Variants in HDAC11 observed in about 807,000 individuals in gnomAD.
HDAC11 encodes histone deacetylase 11.
In HDAC11, 23 loss-of-function variants were observed where a neutral mutation model predicts 41.1. The ratio of observed to expected loss-of-function variants is 0.56; its 90% confidence interval spans 0.40 to 0.79. The LOEUF (loss-of-function observed/expected upper bound fraction) is 0.79. Among genes scored for constraint, HDAC11 ranks in the 30% least tolerant of loss-of-function variants. HDAC11 has a pLI of 0.00. For missense variants in HDAC11, 402 were observed against 477.3 expected (o/e 0.84, Z 1.47); for synonymous variants, 187 against 186.6 (o/e 1.00, Z -0.02).
rs752525473 is a variant in HDAC11 at position 13,503,011 on chromosome 3, T to G, written c.649+31T>G. On this transcript the variant is annotated intron_variant, in intron 8 of 9. Transcript: ENST00000295757. ...CTGCTGCCCCTACCCTCATCTTGGG[T>G]GTGTCCTTGTGGATGAGGCTCTCTC... The G allele has an allele frequency of 5.2e-6, 8 of 1,538,240 alleles. No homozygotes were observed. The Admixed American group carries it at 1.2e-4, about 23-fold the overall frequency.
At position 13,501,494 on chromosome 3, in the gene HDAC11, A is replaced by G. The variant is rs572526893; in HGVS notation, c.490-377A>G. The stretch of plus-strand genomic sequence containing the variant: ...GGGGGCATTTAGGACTTGGCCTTGT[A>G]GGATAAGGCAGAGGTTGGGGACTGA... On this transcript the variant is annotated intron_variant, in intron 6 of 9. Coordinates refer to ENST00000295757, the MANE Select transcript of HDAC11 (RefSeq NM_024827.4). 1.8e-5 allele frequency: 7 copies of G among 388,578 alleles called. No individual in the cohort carries two copies. In the East Asian group the frequency reaches 2.6e-4, roughly 15 times the overall value. The allele number at this position is 388,578 out of a possible 1,614,324, so 24.1% of individuals were successfully genotyped here.
chr3:13,495,870 C>A (rs750190823), intron 3 of HDAC11, among the ~76,000 whole-genome samples: 3 of 152,226 alleles, frequency 2.0e-5, no homozygotes, highest in Non-Finnish European at 4.4e-5. Flanking sequence ...AACCCCCACC[C>A]AGTTCTCCTC....
intron 3 of HDAC11, among the ~76,000 whole-genome samples, chr3:13,495,295 C>T (rs886517597): frequency 6.6e-6 from 1 of 152,106 alleles, no homozygotes; most frequent in African/African-American, 2.4e-5. Flanking sequence ...CTTCACCTCC[C>T]ACTCTCCCAC....
At position 13,480,888 on chromosome 3, in the gene HDAC11, G is replaced by A; in HGVS notation, c.3-358G>A. The A allele has an allele frequency of 2.5e-6, 1 of 399,572 alleles. No homozygotes were observed. The highest frequency in any genetic ancestry group is 3.5e-4 in the Middle Eastern group (1 of 2,836). 24.8% of individuals were successfully genotyped at this position (399,572 alleles called of 1,614,324 possible). On this transcript the variant is annotated intron_variant, in intron 1 of 9. Transcript: ENST00000295757. This position sits in a 1 kb window ranked among gnomAD's most constrained non-coding sequence, Gnocchi z 4.6. ...AGCCGAAGCCTTGTGCCACACAGCT[G>A]TGGGGGCATTTATTACGGTGCAGAG...
At chr3:13,496,887 G>A in intron 4 of HDAC11, 35 bp downstream of exon 4, 2 of 1,280,808 alleles carry the variant, frequency 1.6e-6, no homozygotes, top group South Asian at 1.4e-5. Context: ...TGGGCTGGGG[G>A]CCCCCACACC....
At chr3:13,494,791 G>C (rs1026320905) in intron 3 of HDAC11, among the ~76,000 whole-genome samples, 1 of 152,176 alleles carries the variant, frequency 6.6e-6, no homozygotes, top group Non-Finnish European at 1.5e-5. Context: ...CAGGCTGGGT[G>C]CCTGGCACCC....
At chr3:13,485,529 C>T (rs969105278) in intron 3 of HDAC11, among the ~76,000 whole-genome samples, 1 of 152,186 alleles carries the variant, frequency 6.6e-6, no homozygotes, top group Non-Finnish European at 1.5e-5. Flanking sequence ...TTCCAGGGCC[C>T]CACCCATTTG....
rs529537165 is a variant in HDAC11 at position 13,502,106 on chromosome 3, G to A, written c.552+173G>A. 1.7e-5 allele frequency: 10 copies of A among 599,858 alleles called. 1 individual carries two copies. The South Asian group carries it at 2.1e-4, about 13-fold the overall frequency. The allele number at this position is 599,858 out of a possible 1,614,324, so 37.2% of individuals were successfully genotyped here. Reference sequence around the variant, plus strand: ...TCTTTGTCACTCTGTCCAGGACAGCGGGTCCTCCTCATTGCTCCCGAGGGT... The same window carrying A: ...TCTTTGTCACTCTGTCCAGGACAGCAGGTCCTCCTCATTGCTCCCGAGGGT... On this transcript the variant is annotated intron_variant, in intron 7 of 9. Coordinates refer to ENST00000295757, the MANE Select transcript of HDAC11 (RefSeq NM_024827.4). This position sits in a 1 kb window ranked among gnomAD's most constrained non-coding sequence, Gnocchi z 4.1.
intron 2 of HDAC11, 50 bp from the exon 3 acceptor site, chr3:13,483,414 C>T (rs1409611403): frequency 6.6e-7 from 1 of 1,519,104 alleles, no homozygotes; most frequent in Non-Finnish European, 9.1e-7. Context: ...TGGGGCTGGC[C>T]CTGGCCTTGA....
chr3:13,496,337 T>A (rs1281915330), intron 3 of HDAC11, among the ~76,000 whole-genome samples: 3 of 152,234 alleles, frequency 2.0e-5, no homozygotes, highest in African/African-American at 4.8e-5. Flanking sequence ...AGATCCTCGC[T>A]GCCTAGGCCT....
intron 4 of HDAC11, among the ~76,000 whole-genome samples, chr3:13,498,240 GGAT>G (rs1326010725): frequency 6.6e-6 from 1 of 152,170 alleles, no homozygotes; most frequent in East Asian, 1.9e-4. Context: ...CATATGTGAT[GGAT>G]GATAAGTACT....
chr3:13,506,249 G>C lies in HDAC11; in HGVS notation c.*1566G>C, dbSNP rs1173991605. On this transcript the variant is annotated 3_prime_UTR_variant, in exon 10 of 10. Coordinates refer to ENST00000295757, the MANE Select transcript of HDAC11 (RefSeq NM_024827.4). ...CACAGACATGGTTTGTCACTGTTGA[G>C]CTTCTGTTCCTAGAGAATCCTAGAG... is the stretch of plus-strand genomic sequence containing the variant. 1 of 152,262 alleles carries C rather than the reference G, an allele frequency of 6.6e-6. No homozygotes were observed. Among genetic ancestry groups the C allele is most frequent in the Non-Finnish European group, 1.5e-5 (1 of 68,068 alleles). The allele number at this position is 152,262 out of a possible 1,614,324, so 9.4% of individuals were successfully genotyped here.
chr3:13,482,197 A>G (rs1461497944), intron 2 of HDAC11, among the ~76,000 whole-genome samples: 2 of 152,238 alleles, frequency 1.3e-5, no homozygotes, highest in Non-Finnish European at 2.9e-5. Context: ...CGAAGAGCAT[A>G]TCGTTTTAAC....
chr3:13,485,831 C>G (rs962308291), intron 3 of HDAC11, among the ~76,000 whole-genome samples: 3 of 151,880 alleles, frequency 2.0e-5, no homozygotes, highest in South Asian at 4.2e-4. Context: ...AAGTAGAAAA[C>G]TGAGGTTGAG....
Position 13,480,542 on chromosome 3 carries a change from C to T in HDAC11, c.2+193C>T, listed in dbSNP as rs1701257554. ...GCCAGGCCAGCCCCGCGCCCCTGCTCGGTGGCCCGAGGGACGCGCGCCGGC... is the reference window on the plus strand; with the variant it reads ...GCCAGGCCAGCCCCGCGCCCCTGCTTGGTGGCCCGAGGGACGCGCGCCGGC... On this transcript the variant is annotated intron_variant, in intron 1 of 9. Transcript: ENST00000295757. This position sits in a 1 kb window ranked among gnomAD's most constrained non-coding sequence, Gnocchi z 4.6. 6.2e-6 allele frequency: 2 copies of T among 320,376 alleles called. No individual in the cohort carries two copies. The highest frequency in any genetic ancestry group is 1.2e-5 in the Non-Finnish European group (2 of 172,412). 19.8% of individuals were successfully genotyped at this position (320,376 alleles called of 1,614,324 possible). A position where few individuals can be genotyped will look rare whatever the true frequency, so the allele number is the denominator to read the frequency against.
rs144201161 is a variant in HDAC11 at position 13,490,271 on chromosome 3, C to T, written c.253-6465C>T. On this transcript the variant is annotated intron_variant, in intron 3 of 9. Transcript: ENST00000295757. ...CCTCCCAAAGTGCTGGGATTACAGGCATGAGCCACCGTGCCCAGCCAACTT... is the reference window on the plus strand; with the variant it reads ...CCTCCCAAAGTGCTGGGATTACAGGTATGAGCCACCGTGCCCAGCCAACTT... Among the ~76,000 whole-genome samples, 276 of 152,294 alleles carry T rather than the reference C, an allele frequency of 1.8e-3. 1 individual carries two copies. The highest frequency in any genetic ancestry group is 2.3e-3 in the Non-Finnish European group (157 of 68,034).
Position 13,480,366 on chromosome 3 carries a change from G to C in HDAC11, c.2+17G>C. ...CCCCGGGATGTGAGTGCCGCGGGGCGAGGGCGGGGGTGGGCTCCCAGGGGT... is the reference window on the plus strand; with the variant it reads ...CCCCGGGATGTGAGTGCCGCGGGGCCAGGGCGGGGGTGGGCTCCCAGGGGT... On this transcript the variant is annotated intron_variant, in intron 1 of 9. Coordinates refer to ENST00000295757, the MANE Select transcript of HDAC11 (RefSeq NM_024827.4). This position sits in a 1 kb window ranked among gnomAD's most constrained non-coding sequence, Gnocchi z 4.6. The C allele has an allele frequency of 8.3e-7, 1 of 1,208,264 alleles. No individual in the cohort carries two copies. Among genetic ancestry groups the C allele is most frequent in the Non-Finnish European group, 1.0e-6 (1 of 971,628 alleles). The allele number at this position is 1,208,264 out of a possible 1,614,324, so 74.8% of individuals were successfully genotyped here. A position where few individuals can be genotyped will look rare whatever the true frequency, so the allele number is the denominator to read the frequency against.
chr3:13,498,695 C>T, intron 5 of HDAC11, 140 bp downstream of exon 5: 1 of 939,372 alleles, frequency 1.1e-6, no homozygotes, highest in South Asian at 1.6e-5. Context: ...TCACCCTAGC[C>T]TCCTTGTGGA....
intron 5 of HDAC11, 102 bp from the exon 6 acceptor site, chr3:13,500,611 G>A: frequency 1.1e-6 from 1 of 940,864 alleles, no homozygotes; most frequent in Non-Finnish European, 1.6e-6. Flanking sequence ...GTTCCTGAGA[G>A]CTGAGCAGGG....
Sources: allele counts gnomAD v4.1 joint callset (sites outside exome capture counted in the v4.1 genomes callset), GRCh38; gene constraint gnomAD v4.1.1; non-coding constraint Gnocchi (gnomAD v3.1); transcripts MANE v1.5; gene names NCBI Gene and HGNC (gene_info 2026-07-23, HGNC 2026-07-21).